The following NUP133 variants were observed in gnomAD, a reference collection of about 807,000 sequenced individuals.
The protein encoded by NUP133 is nuclear pore complex protein Nup133.
In NUP133, 66 loss-of-function variants were observed where a neutral mutation model predicts 146.2. The observed-to-expected ratio is 0.45, with a 90% CI of 0.37 to 0.55. The LOEUF (loss-of-function observed/expected upper bound fraction) is 0.55, where lower values mean the gene tolerates loss of function less well. Among genes scored for constraint, NUP133 ranks in the 20% least tolerant of loss-of-function variants. The pLI is 0.00. For missense variants in NUP133, 1,277 were observed against 1,374.8 expected (o/e 0.93, Z 1.12); for synonymous variants, 521 against 498.8 (o/e 1.04, Z -0.59).
chr1:229,441,908 A>G lies in NUP133; in HGVS notation c.3467T>C (p.Ile1156Thr), dbSNP rs763883434. 2 of 1,564,492 alleles carry G rather than the reference A, an allele frequency of 1.3e-6. No individual in the cohort carries two copies. The highest frequency in any genetic ancestry group is 1.2e-5 in the South Asian group (1 of 82,968). The change falls in exon 26 of 26, where the codon ATA becomes ACA. Residue 1156 changes from isoleucine to threonine, a missense_variant. Ile to Thr is a moderately conservative substitution (Grantham distance 89). Coordinates refer to ENST00000261396, the MANE Select transcript of NUP133 (RefSeq NM_018230.3). The stretch of plus-strand genomic sequence containing the variant: ...AATGGCCATTTTTAGAAAAAGTTAT[A>G]TTTGTCCCTGAACATAATATTCATA... ...ANYEYYVQGQ[I>T]
chr1:229,462,648 C>T (rs1322860596), intron 19 of NUP133, among the ~76,000 whole-genome samples: 1 of 152,034 alleles, frequency 6.6e-6, no homozygotes, highest in Admixed American at 6.6e-5. Flanking sequence ...GCCTTGACCT[C>T]CTGGGCTCAA....
In NUP133 at chr1:229,465,037, C is replaced by T. The variant is rs570601077; in HGVS notation, c.2300-162G>A. 3.3e-5 allele frequency among the ~76,000 whole-genome samples: 5 copies of T among 152,344 alleles called. No individual in the cohort carries two copies. The South Asian group carries it at 1.0e-3, about 32-fold the overall frequency. Reference sequence around the variant, plus strand: ...CAATGCCCTGCTTGAATCCCATCTTCTCCAAGGAGATTTCCTCAGCAAAGC... The same window carrying T: ...CAATGCCCTGCTTGAATCCCATCTTTTCCAAGGAGATTTCCTCAGCAAAGC... On this transcript the variant is annotated intron_variant, in intron 17 of 25. Transcript: ENST00000261396.
intron 12 of NUP133, among the ~76,000 whole-genome samples, chr1:229,478,346 A>T (rs1201186795): frequency 6.6e-6 from 1 of 152,172 alleles, no homozygotes; most frequent in Non-Finnish European, 1.5e-5. Flanking sequence ...AAGACTTAAA[A>T]ATAGTCCAGA....
At chr1:229,491,576 C>G (rs576630722) in intron 8 of NUP133, among the ~76,000 whole-genome samples, 1 of 152,232 alleles carries the variant, frequency 6.6e-6, no homozygotes, top group South Asian at 2.1e-4. Context: ...GCCAGGAATT[C>G]GAGACCAGCC....
intron 12 of NUP133, among the ~76,000 whole-genome samples, chr1:229,481,096 C>A (rs1558101310): frequency 6.6e-6 from 1 of 152,004 alleles, no homozygotes; most frequent in African/African-American, 2.4e-5. Flanking sequence ...GACACTCCCC[C>A]AGAAATCATC....
At chr1:229,501,412 T>TTGAGG (rs1446418836) in intron 3 of NUP133, among the ~76,000 whole-genome samples, 10 of 152,110 alleles carry the variant, frequency 6.6e-5, no homozygotes, top group African/African-American at 2.4e-4. Context: ...AAGTGAAGAA[T>TTGAGG]TGAGGTAAGC....
chr1:229,486,188 A>G (rs555572977), intron 11 of NUP133, among the ~76,000 whole-genome samples, 183 bp downstream of exon 11: 1 of 152,004 alleles, frequency 6.6e-6, no homozygotes, highest in Admixed American at 6.5e-5. Context: ...CAAACCAAAA[A>G]ACAAAAAATT....
chr1:229,448,107 A>G (rs1660354872), intron 24 of NUP133, among the ~76,000 whole-genome samples: 1 of 152,200 alleles, frequency 6.6e-6, no homozygotes, highest in South Asian at 2.1e-4. Flanking sequence ...TGTGGCAACC[A>G]ACGTTGGGAA....
At position 229,449,874 on chromosome 1, in the gene NUP133, T is replaced by TATATATATATATA. The variant is rs1491123491; in HGVS notation, c.3180+650_3180+651insTATATATATATAT. On this transcript the variant is annotated intron_variant, in intron 23 of 25. Transcript: ENST00000261396. The stretch of plus-strand genomic sequence containing the variant: ...TTTTATATATATATATATATATATA[T>TATATATATATATA]TTTTTTTTTTTTTTTTTTTTTTTTT... Among the ~76,000 whole-genome samples, 129 of 77,934 alleles carry TATATATATATATA rather than the reference T, an allele frequency of 1.7e-3. 1 individual carries two copies. Among genetic ancestry groups the TATATATATATATA allele is most frequent in the South Asian group, 2.3e-3 (5 of 2,148 alleles). 51.1% of individuals were successfully genotyped at this position (77,934 alleles called of 152,430 possible).
chr1:229,493,169 T>G (rs1164318197), intron 8 of NUP133, among the ~76,000 whole-genome samples: 1 of 152,116 alleles, frequency 6.6e-6, no homozygotes, highest in Non-Finnish European at 1.5e-5. Flanking sequence ...GTAAAATAAT[T>G]TATTTATTTT....
chr1:229,497,699 T>C (rs1661687267), intron 6 of NUP133, among the ~76,000 whole-genome samples: 1 of 152,188 alleles, frequency 6.6e-6, no homozygotes, highest in Admixed American at 6.5e-5. Flanking sequence ...AGCGAGTAGA[T>C]GGTCCATAAA....
At chr1:229,454,223 C>T (rs533604995) in intron 21 of NUP133, among the ~76,000 whole-genome samples, 2 of 152,258 alleles carry the variant, frequency 1.3e-5, no homozygotes, top group South Asian at 4.1e-4. Context: ...GCCATAAACT[C>T]TCCAGGTTGC....
At chr1:229,447,160 T>C (rs1660320503) in intron 24 of NUP133, among the ~76,000 whole-genome samples, 1 of 152,186 alleles carries the variant, frequency 6.6e-6, no homozygotes, top group Non-Finnish European at 1.5e-5. Flanking sequence ...TGTATTTCTA[T>C]GCAAACTGAC....
chr1:229,488,212 G>A (rs1428229464), intron 9 of NUP133, among the ~76,000 whole-genome samples: 2 of 152,110 alleles, frequency 1.3e-5, no homozygotes, highest in African/African-American at 2.4e-5. Flanking sequence ...ATAACTAGAA[G>A]CCTATGATAA....
intron 5 of NUP133, among the ~76,000 whole-genome samples, 195 bp downstream of exon 5, chr1:229,499,489 G>A (rs984133322): frequency 2.0e-5 from 3 of 152,116 alleles, no homozygotes; most frequent in Admixed American, 6.5e-5. Context: ...TTCCACGGCT[G>A]GGGTGCAGTG....
At chr1:229,460,587 G>C (rs1276822462) in intron 20 of NUP133, 24 bp downstream of exon 20, 2 of 1,605,500 alleles carry the variant, frequency 1.2e-6, no homozygotes, top group African/African-American at 1.3e-5. Flanking sequence ...GCACACATCT[G>C]CTCCATAGAA....
intron 12 of NUP133, among the ~76,000 whole-genome samples, chr1:229,481,029 C>CT (rs1661199167): frequency 6.6e-6 from 1 of 152,028 alleles, no homozygotes; most frequent in South Asian, 2.1e-4. Flanking sequence ...AGAAATCCAG[C>CT]TTTAAAGGCA....
chr1:229,463,744 T>A, intron 18 of NUP133, 68 bp from the exon 19 acceptor site: 1 of 1,460,710 alleles, frequency 6.8e-7, no homozygotes, highest in South Asian at 1.4e-5. Flanking sequence ...TAAAAAATGT[T>A]ACTTGAAATT....
chr1:229,442,438 A>T (rs1448883500), intron 25 of NUP133, among the ~76,000 whole-genome samples: 2 of 152,200 alleles, frequency 1.3e-5, no homozygotes, highest in African/African-American at 4.8e-5. Context: ...TTACAGTATA[A>T]ATCTAAAATT....
Sources: allele counts gnomAD v4.1 joint callset (sites outside exome capture counted in the v4.1 genomes callset), GRCh38; gene constraint gnomAD v4.1.1; transcripts MANE v1.5; gene names NCBI Gene and HGNC (gene_info 2026-07-23, HGNC 2026-07-21).